The following SLC20A2 variants were observed in gnomAD, a reference collection of about 807,000 sequenced individuals.
SLC20A2 encodes solute carrier family 20 member 2.
A neutral mutation model predicts 61.0 loss-of-function variants in SLC20A2; 30 were observed. That is an observed-to-expected ratio of 0.49 (90% CI 0.37 to 0.67). The LOEUF (loss-of-function observed/expected upper bound fraction) is 0.67, where lower values mean the gene tolerates loss of function less well. Among genes scored for constraint, SLC20A2 ranks in the 30% least tolerant of loss-of-function variants. The probability of loss-of-function intolerance (pLI) is 0.00; values close to 1 mark genes in which losing one functional copy is unlikely to be tolerated. For missense variants in SLC20A2, 626 were observed against 866.4 expected, an observed-to-expected ratio of 0.72 and a Z score of 3.48; for synonymous variants, 351 against 353.3, an observed-to-expected ratio of 0.99 and a Z score of 0.07.
At chr8:42,458,949 C>G (rs1010339729) in intron 5 of SLC20A2, among the ~76,000 whole-genome samples, 2 of 140,914 alleles carry the variant, frequency 1.4e-5, no homozygotes, top group Non-Finnish European at 1.5e-5. Flanking sequence ...AACCCCCCCC[C>G]CCACAAAAAA....
chr8:42,428,738 C>T lies in SLC20A2; in HGVS notation c.1794+20G>A, dbSNP rs1478986233. 1 of 1,604,230 alleles carries T rather than the reference C, an allele frequency of 6.2e-7. No homozygotes were observed. Among genetic ancestry groups the T allele is most frequent in the Admixed American group, 1.7e-5 (1 of 59,022 alleles). ...TGTCCCAGCGGCCTGGGGAAGGGCTCCCGGCTAGCAGGGGCCTACCTTACA... is the reference window on the plus strand; with the variant it reads ...TGTCCCAGCGGCCTGGGGAAGGGCTTCCGGCTAGCAGGGGCCTACCTTACA... On this transcript the variant is annotated intron_variant, in intron 10 of 10. Coordinates refer to ENST00000520262, the MANE Select transcript of SLC20A2 (RefSeq NM_001257180.2).
chr8:42,428,203 GAGCCCTCTCTTGTCCAGCTGC>G (rs1803559211), intron 10 of SLC20A2, among the ~76,000 whole-genome samples: 1 of 152,160 alleles, frequency 6.6e-6, no homozygotes, highest in Admixed American at 6.5e-5. Context: ...CCATGACCAG[GAGCCCTCTCTTGTCCAGCTGC>G]AGGTTTCAGA....
At chr8:42,427,512 C>A (rs1169538766) in intron 10 of SLC20A2, among the ~76,000 whole-genome samples, 2 of 152,144 alleles carry the variant, frequency 1.3e-5, no homozygotes, top group Admixed American at 6.5e-5. Context: ...GTGTGCCATG[C>A]GTGTGGTGTT....
chr8:42,532,346 C>T (rs1812387773), intron 1 of SLC20A2, among the ~76,000 whole-genome samples: 1 of 152,268 alleles, frequency 6.6e-6, no homozygotes, highest in Admixed American at 6.5e-5. Flanking sequence ...CCTTTCTCTT[C>T]CTGCCTTCCC....
chr8:42,466,082 T>C (rs181835954), intron 2 of SLC20A2, among the ~76,000 whole-genome samples, 165 bp from the exon 3 acceptor site: 74 of 152,320 alleles, frequency 4.9e-4, no homozygotes, highest in African/African-American at 1.7e-3. Context: ...CTCAATTAAC[T>C]TCAGTTAAAG....
chr8:42,418,643 C>T (rs1041463170), intron 10 of SLC20A2, among the ~76,000 whole-genome samples: 1 of 152,086 alleles, frequency 6.6e-6, no homozygotes, highest in Non-Finnish European at 1.5e-5. Flanking sequence ...CCGCCTCAGC[C>T]TCCCAAAGTG....
intron 8 of SLC20A2, among the ~76,000 whole-genome samples, chr8:42,430,631 G>C (rs1302593489): frequency 6.6e-6 from 1 of 152,150 alleles, no homozygotes; most frequent in Non-Finnish European, 1.5e-5. Context: ...AAAGTGTTGG[G>C]ATTACAGGCA....
rs541925766 is a variant in SLC20A2, at chr8:42,508,394, G to A, written c.-265+33427C>T. The stretch of plus-strand genomic sequence containing the variant: ...TTTTGAGACGGAGTCTCGGAGTCTC[G>A]CTCTGTTTGTTTTGAGACGGAGTCT... On this transcript the variant is annotated intron_variant, in intron 1 of 10. Coordinates refer to the SLC20A2 transcript ENST00000342228. Among the ~76,000 whole-genome samples the A allele has an allele frequency of 5.6e-4, 85 of 151,944 alleles. 1 individual carries two copies. In the South Asian group the frequency reaches 0.014, roughly 25 times the overall value.
At chr8:42,430,691 G>T (rs1803795910) in intron 8 of SLC20A2, among the ~76,000 whole-genome samples, 1 of 152,032 alleles carries the variant, frequency 6.6e-6, no homozygotes, top group Admixed American at 6.6e-5. Context: ...TGAATTTGAG[G>T]TTTGTGGCAC....
At chr8:42,533,654 C>CT (rs1162369065) in intron 1 of SLC20A2, among the ~76,000 whole-genome samples, 1,276 of 55,418 alleles carry the variant, frequency 0.023, 80 homozygotes, top group Middle Eastern at 0.05. Context: ...ATCAACTGTT[C>CT]TTTTTTTTTT....
chr8:42,495,752 C>CCT (rs1203414908), intron 1 of SLC20A2, among the ~76,000 whole-genome samples: 4 of 145,236 alleles, frequency 2.8e-5, no homozygotes, highest in African/African-American at 1.0e-4. Flanking sequence ...ATCCCTCCCC[C>CCT]TTTTTTTTTT....
intron 9 of SLC20A2, among the ~76,000 whole-genome samples, chr8:42,429,204 T>C (rs1803657281): frequency 6.6e-6 from 1 of 152,232 alleles, no homozygotes; most frequent in Non-Finnish European, 1.5e-5. Flanking sequence ...CAAAAGAGTG[T>C]ATTTTTCTCG....
Position 42,464,090 on chromosome 8 carries a change from A to AT in SLC20A2, c.431-1001dup, listed in dbSNP as rs1563488008. Among the ~76,000 whole-genome samples the AT allele has an allele frequency of 1.5e-3, 31 of 20,018 alleles. 1 individual carries two copies. The highest frequency in any genetic ancestry group is 3.0e-3 in the African/African-American group (27 of 9,108). The allele number at this position is 20,018 out of a possible 152,430, so 13.1% of individuals were successfully genotyped here. A position where few individuals can be genotyped will look rare whatever the true frequency, so the allele number is the denominator to read the frequency against. ...TTCTTCCCAAAGGGCAGGCTGGATG[A>AT]TCTTTTTTTTTTTTTTTTTTTTTTT... On this transcript the variant is annotated intron_variant, in intron 3 of 10. Transcript: ENST00000520262.
chr8:42,515,145 C>A lies in SLC20A2; in HGVS notation c.-265+26676G>T, dbSNP rs565794814. Among the ~76,000 whole-genome samples, 17 of 152,252 alleles carry A rather than the reference C, an allele frequency of 1.1e-4. 1 individual carries two copies. The South Asian group carries it at 3.5e-3, about 32-fold the overall frequency. On this transcript the variant is annotated intron_variant, in intron 1 of 10. Transcript: ENST00000342228. ...AGCTGAAGAACCTGAGATTTACAGA[C>A]GTTAAATTAGCTTGTCCAAGGTCAC...
rs547391266 is a variant in SLC20A2 at position 42,536,523 on chromosome 8, C to T, written c.-265+5298G>A. On this transcript the variant is annotated intron_variant, in intron 1 of 10. Coordinates refer to the SLC20A2 transcript ENST00000342228. ...TGTTGATGCCCGATGCCCCCAAAAT[C>T]ATACTGTCAGCTCCCAACAAAAGGG... The T allele has an allele frequency of 4.6e-4, 70 of 152,356 alleles. 1 individual carries two copies. Among genetic ancestry groups the T allele is most frequent in the African/African-American group, 1.7e-3 (69 of 41,572 alleles). The allele number at this position is 152,356 out of a possible 1,614,324, so 9.4% of individuals were successfully genotyped here.
chr8:42,486,109 CTACT>C (rs1415541653), intron 1 of SLC20A2, among the ~76,000 whole-genome samples: 1 of 151,066 alleles, frequency 6.6e-6, no homozygotes, highest in Non-Finnish European at 1.5e-5. Flanking sequence ...TTATCATTAA[CTACT>C]TAATTATCTT....
chr8:42,474,604 A>G (rs1807909035), intron 1 of SLC20A2, among the ~76,000 whole-genome samples: 1 of 152,168 alleles, frequency 6.6e-6, no homozygotes, highest in Non-Finnish European at 1.5e-5. Flanking sequence ...GATCTATCTC[A>G]AGATATAAAC....
intron 1 of SLC20A2, among the ~76,000 whole-genome samples, chr8:42,493,721 C>T (rs1214221593): frequency 6.6e-6 from 1 of 152,140 alleles, no homozygotes; most frequent in Non-Finnish European, 1.5e-5. Context: ...TTCCTGGATA[C>T]CTCTAATACT....
intron 1 of SLC20A2, among the ~76,000 whole-genome samples, chr8:42,533,156 C>T (rs528957841): frequency 1.5e-3 from 224 of 151,960 alleles, no homozygotes; most frequent in African/African-American, 4.9e-3. Context: ...GTTTATATTT[C>T]TTCCTGCTGG....
Sources: allele counts gnomAD v4.1 joint callset (sites outside exome capture counted in the v4.1 genomes callset), GRCh38; gene constraint gnomAD v4.1.1; transcripts MANE v1.5; gene names NCBI Gene and HGNC (gene_info 2026-07-23, HGNC 2026-07-21).